Variants in PCDHAC1 observed in about 807,000 individuals in gnomAD.
PCDHAC1 encodes the protein protocadherin alpha-C1.
Under a neutral mutation model 60.0 loss-of-function variants are expected in PCDHAC1, and 42 were observed. The observed-to-expected ratio is 0.70, with a 90% CI of 0.55 to 0.90. The LOEUF is 0.90. Among genes scored for constraint, PCDHAC1 ranks in the 40% least tolerant of loss-of-function variants. The probability of loss-of-function intolerance (pLI) is 0.00; values close to 1 mark genes in which losing one functional copy is unlikely to be tolerated. For synonymous variants in PCDHAC1, 468 were observed against 499.3 expected, an observed-to-expected ratio of 0.94 and a Z score of 0.84; for missense variants, 1,160 against 1,222.3, an observed-to-expected ratio of 0.95 and a Z score of 0.76.
intron 3 of PCDHAC1, among the ~76,000 whole-genome samples, chr5:140,993,305 G>C (rs1405035028): frequency 6.6e-6 from 1 of 151,998 alleles, no homozygotes; most frequent in African/African-American, 2.4e-5. Flanking sequence ...CTTGCCTCCA[G>C]GATAATACCT....
chr5:140,960,886 A>G (rs1161636963), intron 1 of PCDHAC1, among the ~76,000 whole-genome samples: 1 of 152,198 alleles, frequency 6.6e-6, no homozygotes, highest in African/African-American at 2.4e-5. Context: ...CACACTAATG[A>G]ATTTGGGGCA....
At chr5:140,977,448 CTCCTT>C (rs1554238572) in intron 1 of PCDHAC1, among the ~76,000 whole-genome samples, 2 of 152,212 alleles carry the variant, frequency 1.3e-5, no homozygotes, top group Non-Finnish European at 2.9e-5. Context: ...ATAATGGAAA[CTCCTT>C]TGATTTGGTC....
In PCDHAC1 at chr5:140,998,789, C is replaced by T. The variant is rs920510450; in HGVS notation, c.2582-10838C>T. On this transcript the variant is annotated intron_variant, in intron 3 of 3. Transcript: ENST00000253807. ...ATGTTGGTCAGGCTGGTCTGGAACC[C>T]CTGACCTCAGGTGATCTGCCTGCCT... 4.6e-5 allele frequency among the ~76,000 whole-genome samples: 7 copies of T among 152,118 alleles called. 1 individual carries two copies. Among genetic ancestry groups the T allele is most frequent in the Admixed American group, 2.6e-4 (4 of 15,262 alleles).
Position 141,009,859 on chromosome 5 carries a change from G to A in PCDHAC1, c.2814G>A (p.Lys938=). The A allele has an allele frequency of 1.2e-6, 2 of 1,613,884 alleles. No homozygotes were observed. Among genetic ancestry groups the A allele is most frequent in the Non-Finnish European group, 1.7e-6 (2 of 1,179,960 alleles). The part of the protein sequence containing the change: ...TFGKKEETKK[K]KKKKKGNKTQ... ...GCAAAAAGGAGGAGACCAAGAAAAA[G>A]AAGAAAAAGAAGAAGGGTAACAAGA... The change falls in exon 4 of 4, where the codon AAG becomes AAA. Residue 938 remains lysine (K), a synonymous_variant. Transcript: ENST00000253807.
intron 3 of PCDHAC1, among the ~76,000 whole-genome samples, chr5:140,986,055 T>C (rs2097185833): frequency 6.6e-6 from 1 of 152,164 alleles, no homozygotes; most frequent in African/African-American, 2.4e-5. Context: ...ATGAATTCTT[T>C]TGCTTTTTAA....
At chr5:140,964,473 T>G (rs1457345251) in intron 1 of PCDHAC1, among the ~76,000 whole-genome samples, 13 of 152,068 alleles carry the variant, frequency 8.5e-5, no homozygotes, top group African/African-American at 3.1e-4. Flanking sequence ...TGCCTATGAT[T>G]TTTTCACAGT....
chr5:140,980,313 C>G (rs904282752), intron 2 of PCDHAC1, among the ~76,000 whole-genome samples: 7 of 152,166 alleles, frequency 4.6e-5, no homozygotes, highest in Admixed American at 3.9e-4. Context: ...GCCTTAAAAA[C>G]TACATTTGAA....
At chr5:140,967,884 C>T (rs2096194386) in intron 1 of PCDHAC1, 2 of 1,614,050 alleles carry the variant, frequency 1.2e-6, no homozygotes, top group African/African-American at 1.3e-5. Context: ...CTGTATAGCC[C>T]AGTGCCTGAG....
chr5:140,975,841 G>T (rs1389959509), intron 1 of PCDHAC1, among the ~76,000 whole-genome samples: 1 of 152,066 alleles, frequency 6.6e-6, no homozygotes, highest in Non-Finnish European at 1.5e-5. Context: ...TTATTCTTCA[G>T]TAATACTACA....
At chr5:141,004,508 G>A (rs1554259596) in intron 3 of PCDHAC1, among the ~76,000 whole-genome samples, 1 of 152,200 alleles carries the variant, frequency 6.6e-6, no homozygotes. Flanking sequence ...GCTGTGAGGG[G>A]CTCCCTCTGC....
At chr5:141,000,939 A>G (rs551872377) in intron 3 of PCDHAC1, among the ~76,000 whole-genome samples, 2 of 152,294 alleles carry the variant, frequency 1.3e-5, no homozygotes, top group East Asian at 3.9e-4. Context: ...ATTTAGGACA[A>G]ATTATCTTGC....
At chr5:140,954,591 G>A (rs951330274) in intron 1 of PCDHAC1, among the ~76,000 whole-genome samples, 3 of 152,062 alleles carry the variant, frequency 2.0e-5, no homozygotes, top group Non-Finnish European at 2.9e-5. Context: ...GTCTGTTCAT[G>A]TTCTTTGCCC....
At chr5:140,955,130 T>A (rs1173088504) in intron 1 of PCDHAC1, among the ~76,000 whole-genome samples, 1 of 152,228 alleles carries the variant, frequency 6.6e-6, no homozygotes, top group African/African-American at 2.4e-5. Context: ...TCCACTGGTC[T>A]ACACGTCTGT....
At chr5:140,933,480 G>C (rs1255769578) in intron 1 of PCDHAC1, among the ~76,000 whole-genome samples, 1 of 151,846 alleles carries the variant, frequency 6.6e-6, no homozygotes, top group South Asian at 2.1e-4. Flanking sequence ...ACACATTATG[G>C]TTATTCTTTA....
intron 1 of PCDHAC1, among the ~76,000 whole-genome samples, chr5:140,976,553 A>G (rs1554237789): frequency 1.3e-5 from 2 of 152,074 alleles, no homozygotes; most frequent in Non-Finnish European, 2.9e-5. Context: ...CCTATCTCAT[A>G]AATAAATAAA....
intron 1 of PCDHAC1, among the ~76,000 whole-genome samples, chr5:140,936,918 T>C (rs2091208385): frequency 6.6e-6 from 1 of 152,198 alleles, no homozygotes; most frequent in Non-Finnish European, 1.5e-5. Flanking sequence ...CTGTAGAAAA[T>C]ATGGGGTATA....
chr5:140,960,892 G>A (rs1401042931), intron 1 of PCDHAC1, among the ~76,000 whole-genome samples: 1 of 152,126 alleles, frequency 6.6e-6, no homozygotes, highest in East Asian at 1.9e-4. Flanking sequence ...AATGAATTTG[G>A]GGCATATCTT....
At chr5:140,991,452 C>T (rs1162146299) in intron 3 of PCDHAC1, among the ~76,000 whole-genome samples, 3 of 152,184 alleles carry the variant, frequency 2.0e-5, no homozygotes, top group African/African-American at 7.2e-5. Context: ...TAAAACAACA[C>T]AATGTATTAT....
chr5:140,978,061 A>G (rs1307101965), intron 1 of PCDHAC1, among the ~76,000 whole-genome samples: 1 of 152,202 alleles, frequency 6.6e-6, no homozygotes, highest in Non-Finnish European at 1.5e-5. Flanking sequence ...ATGATGTCCC[A>G]GTGATTTCTG....
Sources: allele counts gnomAD v4.1 joint callset (sites outside exome capture counted in the v4.1 genomes callset), GRCh38; gene constraint gnomAD v4.1.1; transcripts MANE v1.5; gene names NCBI Gene and HGNC (gene_info 2026-07-23, HGNC 2026-07-21).